USP34: variants seen among roughly 807,000 people sequenced by gnomAD.
USP34 encodes ubiquitin specific peptidase 34.
A neutral mutation model predicts 460.3 loss-of-function variants in USP34; 70 were observed. That is an observed-to-expected ratio of 0.15 (90% CI 0.13 to 0.19). The LOEUF is 0.19. Among genes scored for constraint, USP34 ranks in the 10% least tolerant of loss-of-function variants. USP34 has a pLI of 1.00. For missense variants in USP34, 3,985 were observed against 4,236.2 expected (o/e 0.94, Z 1.65); for synonymous variants, 1,647 against 1,405.3 (o/e 1.17, Z -3.85).
chr2:61,369,923 A>G (rs1018275161), intron 10 of USP34, among the ~76,000 whole-genome samples: 1 of 151,114 alleles, frequency 6.6e-6, no homozygotes, highest in African/African-American at 2.4e-5. Context: ...AAGGAAAAAC[A>G]TGTAATATAT....
At chr2:61,265,957 A>G in intron 42 of USP34, 27 bp downstream of exon 42, 1 of 1,510,368 alleles carries the variant, frequency 6.6e-7, no homozygotes, top group Non-Finnish European at 8.9e-7. Flanking sequence ...AAATCTATAA[A>G]GATTAAAGGA....
chr2:61,387,379 C>T (rs1693179967), intron 5 of USP34, among the ~76,000 whole-genome samples: 1 of 151,804 alleles, frequency 6.6e-6, no homozygotes, highest in Non-Finnish European at 1.5e-5. Context: ...GCAGGAGAAT[C>T]GCTTGAACCC....
At chr2:61,328,460 A>G (rs1348063565) in intron 20 of USP34, among the ~76,000 whole-genome samples, 1 of 152,204 alleles carries the variant, frequency 6.6e-6, no homozygotes, top group Non-Finnish European at 1.5e-5. Flanking sequence ...ACTGGAAAAA[A>G]AATACTGAAA....
chr2:61,427,917 CT>C (rs1694557922), intron 1 of USP34, among the ~76,000 whole-genome samples: 2 of 152,174 alleles, frequency 1.3e-5, no homozygotes, highest in South Asian at 4.1e-4. Flanking sequence ...AATCCCAGCA[CT>C]TTGGATGGCT....
intron 2 of USP34, among the ~76,000 whole-genome samples, chr2:61,416,625 G>T (rs1315585492): frequency 1.3e-5 from 2 of 152,168 alleles, no homozygotes; most frequent in African/African-American, 2.4e-5. Context: ...ATCGGTGCTT[G>T]TCATACATGA....
At chr2:61,253,476 C>G (rs1369690233) in intron 48 of USP34, among the ~76,000 whole-genome samples, 2 of 152,160 alleles carry the variant, frequency 1.3e-5, no homozygotes, top group East Asian at 3.9e-4. Context: ...CGTGTAATTG[C>G]CTACATAGCT....
chr2:61,321,006 G>A (rs369459027), intron 21 of USP34, among the ~76,000 whole-genome samples: 3 of 151,494 alleles, frequency 2.0e-5, no homozygotes, highest in African/African-American at 4.9e-5. Flanking sequence ...GCAAGACTCC[G>A]TGTCAAAAAC....
At chr2:61,255,451 A>T (rs1688699303) in intron 48 of USP34, among the ~76,000 whole-genome samples, 1 of 152,144 alleles carries the variant, frequency 6.6e-6, no homozygotes, top group East Asian at 1.9e-4. Flanking sequence ...ATCTCCCTGA[A>T]ATTTGCTTAT....
intron 27 of USP34, 108 bp from the exon 28 acceptor site, chr2:61,301,562 T>C: frequency 3.1e-6 from 3 of 974,838 alleles, no homozygotes; most frequent in South Asian, 3.2e-5. Flanking sequence ...TAAGTTTAAA[T>C]GTAATCTAAG....
chr2:61,253,613 T>C (rs1302433941), intron 48 of USP34, among the ~76,000 whole-genome samples: 1 of 152,220 alleles, frequency 6.6e-6, no homozygotes, highest in Non-Finnish European at 1.5e-5. Flanking sequence ...AATTTTAGTA[T>C]CTTATTGTAT....
chr2:61,190,579 T>C lies in USP34; in HGVS notation c.9668A>G (p.Asp3223Gly), dbSNP rs200478528. The change falls in exon 77 of 80, where the codon GAT becomes GGT. Residue 3223 changes from aspartate to glycine, a missense_variant. This residue lies in a region of USP34 where 506 missense variants were observed against 439.0 expected (regional missense o/e 1.15). Transcript: ENST00000398571. ...FAEYIKCILM[D>G]ERTFLNNNIV... is the part of the protein sequence containing the mutation. ...GTTGTTGTTTAAAAAAGTTCTTTCATCCATTAGGATACATTTAATATATTC... is the reference window on the plus strand; with the variant it reads ...GTTGTTGTTTAAAAAAGTTCTTTCACCCATTAGGATACATTTAATATATTC... The C allele has an allele frequency of 2.8e-4, 457 of 1,614,006 alleles. No individual in the cohort carries two copies. Among genetic ancestry groups the C allele is most frequent in the Non-Finnish European group, 3.7e-4 (442 of 1,179,988 alleles).
intron 1 of USP34, among the ~76,000 whole-genome samples, chr2:61,439,587 T>C (rs1454209785): frequency 6.6e-6 from 1 of 152,132 alleles, no homozygotes; most frequent in Non-Finnish European, 1.5e-5. Flanking sequence ...CACAAGCAGC[T>C]GTGGGTACTC....
chr2:61,413,195 AC>A (rs1252726228), intron 2 of USP34, among the ~76,000 whole-genome samples: 1 of 152,022 alleles, frequency 6.6e-6, no homozygotes, highest in African/African-American at 2.4e-5. Flanking sequence ...GGAGATTGAG[AC>A]CATCCTGGCC....
Position 61,248,536 on chromosome 2 carries a change from A to C in USP34, c.6369T>G (p.Leu2123=), listed in dbSNP as rs1418672216. 1 of 1,569,274 alleles carries C rather than the reference A, an allele frequency of 6.4e-7. No individual in the cohort carries two copies. Among genetic ancestry groups the C allele is most frequent in the African/African-American group, 1.4e-5 (1 of 73,542 alleles). Reference sequence around the variant, plus strand: ...CTTCTTTCCTCTCACTCTTTCCCATAAGAAAATCTTCTGTATAGGGCGTCA... The same window carrying C: ...CTTCTTTCCTCTCACTCTTTCCCATCAGAAAATCTTCTGTATAGGGCGTCA... ...LDMTPYTEDF[L]MGKSERKEGF... is the part of the protein sequence containing the mutation. The change falls in exon 49 of 80, where the codon CTT becomes CTG. Residue 2123 remains leucine (L), a synonymous_variant. Transcript: ENST00000398571.
chr2:61,440,879 G>A (rs1197279738), intron 1 of USP34, among the ~76,000 whole-genome samples: 1 of 151,492 alleles, frequency 6.6e-6, no homozygotes, highest in African/African-American at 2.4e-5. Flanking sequence ...TGTAATCTCA[G>A]CACTATGGGA....
intron 58 of USP34, among the ~76,000 whole-genome samples, 189 bp from the exon 59 acceptor site, chr2:61,229,822 C>G (rs1475875199): frequency 2.0e-5 from 3 of 152,106 alleles, no homozygotes; most frequent in Admixed American, 2.0e-4. Context: ...TAAAAAAATT[C>G]AGTTTTATGA....
chr2:61,221,125 C>T (rs1687570725), intron 66 of USP34, among the ~76,000 whole-genome samples: 1 of 152,194 alleles, frequency 6.6e-6, no homozygotes, highest in Non-Finnish European at 1.5e-5. Context: ...TTGAGCTTTT[C>T]CAATACTCAA....
At position 61,244,020 on chromosome 2, in the gene USP34, T is replaced by G. The variant is rs185475093; in HGVS notation, c.6627+1190A>C. 7.9e-5 allele frequency among the ~76,000 whole-genome samples: 12 copies of G among 151,822 alleles called. No individual in the cohort carries two copies. The East Asian group carries it at 2.3e-3, about 29-fold the overall frequency. ...GCTTTTCTTTTTCCATTCAGCAGAGTAGACAAGAACACCGAGAAGCAATAA... is the reference window on the plus strand; with the variant it reads ...GCTTTTCTTTTTCCATTCAGCAGAGGAGACAAGAACACCGAGAAGCAATAA... On this transcript the variant is annotated intron_variant, in intron 51 of 79. Transcript: ENST00000398571.
intron 69 of USP34, among the ~76,000 whole-genome samples, chr2:61,210,459 G>C (rs562460253): frequency 6.6e-6 from 1 of 152,206 alleles, no homozygotes; most frequent in East Asian, 1.9e-4. Context: ...ATATCCTAGG[G>C]GTGTAGCAGG....
Sources: gnomAD v4.1 joint callset for allele counts (sites outside exome capture counted in the v4.1 genomes callset) on GRCh38, gnomAD v4.1.1 for gene constraint, gnomAD v4.1.1 regional missense constraint, MANE v1.5 for transcripts, NCBI Gene and HGNC (gene_info 2026-07-23, HGNC 2026-07-21) for gene names.